Variants in QTMAN observed in about 807,000 individuals in gnomAD.
QTMAN encodes tRNA-queuosine alpha-mannosyltransferase.
the QTMAN span, among the ~76,000 whole-genome samples, chr2:144,207,149 G>A: frequency 6.6e-5 from 10 of 151,846 alleles, no homozygotes; most frequent in Non-Finnish European, 1.0e-4. Context: ...TAGTGATATC[G>A]GAATATAAAA....
chr2:144,043,878 T>C, the QTMAN span, among the ~76,000 whole-genome samples: 13 of 152,222 alleles, frequency 8.5e-5, no homozygotes, highest in East Asian at 2.5e-3. Flanking sequence ...AAAAGGAAAA[T>C]GGCTGTGAAA....
chr2:144,003,991 AAGGT>A, the QTMAN span, among the ~76,000 whole-genome samples: 27 of 151,986 alleles, frequency 1.8e-4, no homozygotes, highest in African/African-American at 6.3e-4. Context: ...TTTGTTAGGC[AAGGT>A]AATGACAAGA....
the QTMAN span, among the ~76,000 whole-genome samples, chr2:144,155,818 T>C: frequency 2.6e-5 from 4 of 152,096 alleles, no homozygotes; most frequent in Admixed American, 6.6e-5. Context: ...GCTTGAATAT[T>C]ATGACACTAT....
At chr2:144,157,693 A>G in the QTMAN span, among the ~76,000 whole-genome samples, 20 of 152,140 alleles carry the variant, frequency 1.3e-4, no homozygotes, top group East Asian at 2.7e-3. Context: ...CATACTGAAC[A>G]GGAAAGGTAA....
At chr2:144,286,063 T>C in the QTMAN span, among the ~76,000 whole-genome samples, 2 of 152,170 alleles carry the variant, frequency 1.3e-5, no homozygotes, top group African/African-American at 4.8e-5. Context: ...CTCCTTCCTC[T>C]CACCCTTAGA....
the QTMAN span, among the ~76,000 whole-genome samples, chr2:144,148,942 G>A: frequency 6.6e-6 from 1 of 151,716 alleles, no homozygotes; most frequent in Non-Finnish European, 1.5e-5. Flanking sequence ...TCATCTCTTT[G>A]CTTTTCTTGC....
chr2:144,266,137 AC>A, the QTMAN span, among the ~76,000 whole-genome samples: 1 of 152,226 alleles, frequency 6.6e-6, no homozygotes, highest in Admixed American at 6.5e-5. Flanking sequence ...TGAGAAGAGA[AC>A]AAGGTCAAGA....
the QTMAN span, among the ~76,000 whole-genome samples, chr2:144,174,427 A>G: frequency 1.3e-5 from 2 of 152,166 alleles, no homozygotes; most frequent in Non-Finnish European, 2.9e-5. Context: ...CTCGAAAATC[A>G]TATTTTCATA....
the QTMAN span, among the ~76,000 whole-genome samples, chr2:144,173,956 G>A: frequency 2.0e-5 from 3 of 152,094 alleles, no homozygotes; most frequent in African/African-American, 4.8e-5. Context: ...TTTTCACCAT[G>A]AGTGGAAGGA....
At chr2:144,071,578 C>A in the QTMAN span, among the ~76,000 whole-genome samples, 1 of 152,122 alleles carries the variant, frequency 6.6e-6, no homozygotes, top group Non-Finnish European at 1.5e-5. Context: ...TCACGTTCCA[C>A]GAAGCAGCCC....
At chr2:144,037,001 G>A in the QTMAN span, among the ~76,000 whole-genome samples, 1 of 152,084 alleles carries the variant, frequency 6.6e-6, no homozygotes, top group Non-Finnish European at 1.5e-5. Context: ...ATTATGCTAA[G>A]GCAAAGAAAC....
the QTMAN span, among the ~76,000 whole-genome samples, chr2:144,078,444 C>G: frequency 6.6e-6 from 1 of 152,186 alleles, no homozygotes; most frequent in Non-Finnish European, 1.5e-5. Flanking sequence ...GCAACAAGCA[C>G]AAAGTTTCTT....
chr2:144,288,626 T>C, the QTMAN span, among the ~76,000 whole-genome samples: 1 of 152,220 alleles, frequency 6.6e-6, no homozygotes, highest in Non-Finnish European at 1.5e-5. Flanking sequence ...CAATTCCTAC[T>C]ACAGAGAAAT....
At chr2:144,020,817 G>A in the QTMAN span, among the ~76,000 whole-genome samples, 3 of 151,968 alleles carry the variant, frequency 2.0e-5, no homozygotes, top group Non-Finnish European at 2.9e-5. Flanking sequence ...TATTCACATT[G>A]ATAATTGCAT....
chr2:144,026,697 C>A, the QTMAN span, among the ~76,000 whole-genome samples: 1 of 152,008 alleles, frequency 6.6e-6, no homozygotes, highest in African/African-American at 2.4e-5. Flanking sequence ...TCCTCTTCTA[C>A]AAAGGGGGAT....
chr2:144,107,321 G>A, the QTMAN span, among the ~76,000 whole-genome samples: 5 of 152,168 alleles, frequency 3.3e-5, no homozygotes, highest in South Asian at 1.0e-3. Flanking sequence ...TGCAGGAGAT[G>A]GTTTTTTGAA....
chr2:144,325,863 C>A, the QTMAN span, among the ~76,000 whole-genome samples: 1 of 152,136 alleles, frequency 6.6e-6, no homozygotes, highest in African/African-American at 2.4e-5. Context: ...ATTTTTAATA[C>A]GGAGTGTTTG....
chr2:144,132,692 G>C, the QTMAN span, among the ~76,000 whole-genome samples: 3 of 151,856 alleles, frequency 2.0e-5, no homozygotes, highest in African/African-American at 7.2e-5. Flanking sequence ...ATAAACTTTA[G>C]ATCTACAGAA....
At chr2:143,938,958 A>G in the QTMAN span, 8 of 152,314 alleles carry the variant, frequency 5.3e-5, no homozygotes, top group African/African-American at 1.9e-4. Context: ...AGTCTCTTCA[A>G]TTGCAGAAGG....
Sources: allele counts gnomAD v4.1 joint callset (sites outside exome capture counted in the v4.1 genomes callset), GRCh38; gene constraint gnomAD v4.1.1; transcripts MANE v1.5; gene names NCBI Gene and HGNC (gene_info 2026-07-23, HGNC 2026-07-21).